The following BEND6 variants were observed in gnomAD, a reference collection of about 807,000 sequenced individuals.
BEND6 encodes the protein BEN domain containing 6.
In BEND6, 24 loss-of-function variants were observed where a neutral mutation model predicts 31.8. The ratio of observed to expected loss-of-function variants is 0.75; its 90% CI spans 0.55 to 1.06. The LOEUF (loss-of-function observed/expected upper bound fraction) is 1.06. Ranked by LOEUF, BEND6 falls within the 50% of genes least tolerant of loss-of-function variation. The pLI, the probability that BEND6 is intolerant of heterozygous loss-of-function variation, is 0.00. For missense variants in BEND6, 294 were observed against 327.4 expected, an observed-to-expected ratio of 0.90 and a Z score of 0.79; for synonymous variants, 109 against 114.6, an observed-to-expected ratio of 0.95 and a Z score of 0.31.
At chr6:56,984,055 C>T (rs1328835431) in intron 2 of BEND6, among the ~76,000 whole-genome samples, 1 of 151,824 alleles carries the variant, frequency 6.6e-6, no homozygotes, top group African/African-American at 2.4e-5. Flanking sequence ...CCTCTCTCTA[C>T]CAAAAAAAAT....
At chr6:57,010,690 TAA>T in intron 3 of BEND6, 2 of 913,648 alleles carry the variant, frequency 2.2e-6, no homozygotes, top group Non-Finnish European at 2.6e-6. Flanking sequence ...ATTAAAAGTT[TAA>T]AAAATATATC....
At chr6:57,004,575 A>G in intron 3 of BEND6, 1 of 926,866 alleles carries the variant, frequency 1.1e-6, no homozygotes, top group South Asian at 1.3e-5. Flanking sequence ...AACTACCACC[A>G]GGACTCAGAG....
chr6:57,017,945 A>G (rs1159333068), intron 5 of BEND6, among the ~76,000 whole-genome samples: 1 of 152,228 alleles, frequency 6.6e-6, no homozygotes, highest in Non-Finnish European at 1.5e-5. Flanking sequence ...AACAACTGCA[A>G]TGAAATTCTT....
chr6:56,987,930 A>G (rs1826342398), intron 2 of BEND6, among the ~76,000 whole-genome samples: 2 of 152,058 alleles, frequency 1.3e-5, no homozygotes, highest in South Asian at 4.1e-4. Flanking sequence ...TTATAAGCAT[A>G]TGTTTTCAAA....
chr6:56,965,716 T>C (rs983592053), intron 1 of BEND6, among the ~76,000 whole-genome samples: 5 of 148,222 alleles, frequency 3.4e-5, no homozygotes, highest in African/African-American at 1.2e-4. Flanking sequence ...GATATTAACA[T>C]AGTGTATAAT....
chr6:56,992,316 C>G, intron 2 of BEND6, 62 bp from the exon 3 acceptor site: 2 of 1,482,154 alleles, frequency 1.3e-6, no homozygotes, highest in Non-Finnish European at 1.8e-6. Context: ...CAATGGTTAA[C>G]CAGAGATAAA....
chr6:56,962,451 C>T (rs559359676), intron 1 of BEND6, among the ~76,000 whole-genome samples: 95 of 152,200 alleles, frequency 6.2e-4, no homozygotes, highest in Non-Finnish European at 1.2e-3. Context: ...AGTTTCCTGA[C>T]GTATCCCGAT....
chr6:56,970,110 G>A (rs2127843940), intron 1 of BEND6, among the ~76,000 whole-genome samples: 1 of 152,070 alleles, frequency 6.6e-6, no homozygotes, highest in East Asian at 1.9e-4. Flanking sequence ...ATGTGTGTGT[G>A]TATTTTCTAG....
At chr6:57,000,078 C>T (rs1826871801) in intron 3 of BEND6, among the ~76,000 whole-genome samples, 1 of 151,974 alleles carries the variant, frequency 6.6e-6, no homozygotes, top group African/African-American at 2.4e-5. Flanking sequence ...GAGGTGTACC[C>T]AACAGCTCCA....
At chr6:57,020,753 C>T (rs1405092498) in intron 6 of BEND6, among the ~76,000 whole-genome samples, 1 of 151,866 alleles carries the variant, frequency 6.6e-6, no homozygotes, top group East Asian at 1.9e-4. Flanking sequence ...GTTACCAGAC[C>T]TCCAAGTCAA....
chr6:56,972,086 C>CTTTTTT (rs35524907), intron 1 of BEND6, among the ~76,000 whole-genome samples: 1 of 62,530 alleles, frequency 1.6e-5, no homozygotes, highest in Non-Finnish European at 2.8e-5. Context: ...ACTTTACTTT[C>CTTTTTT]TTTTTTTTTT....
chr6:56,976,716 C>T (rs528575654), intron 1 of BEND6, among the ~76,000 whole-genome samples: 1 of 152,246 alleles, frequency 6.6e-6, no homozygotes, highest in South Asian at 2.1e-4. Flanking sequence ...AGGTGCACGT[C>T]ACCACACCTG....
Position 57,015,227 on chromosome 6 carries a change from C to T in BEND6, c.393C>T (p.Thr131=), listed in dbSNP as rs749466881. 5.6e-6 allele frequency: 9 copies of T among 1,613,960 alleles called. No individual in the cohort carries two copies. The highest frequency in any genetic ancestry group is 7.6e-6 in the Non-Finnish European group (9 of 1,180,006). The change falls in exon 4 of 7, where the codon ACC becomes ACT. Residue 131 remains threonine, a synonymous_variant. Coordinates refer to ENST00000370746, the MANE Select transcript of BEND6 (RefSeq NM_152731.3). ...GAACCATGTCTACATCTGCATCCAC[C>T]CTCTGGAGAGCAACAAACAACTCCT... is the stretch of plus-strand genomic sequence containing the variant. ...GGGTMSTSAS[T]LWRATNNSSP...
At chr6:57,019,937 G>A (rs775950547) in intron 6 of BEND6, among the ~76,000 whole-genome samples, 13 of 151,986 alleles carry the variant, frequency 8.6e-5, no homozygotes, top group South Asian at 2.1e-4. Context: ...TATAAAATAC[G>A]GAAGAAAAAA....
At chr6:57,018,862 G>A (rs1436918332) in intron 6 of BEND6, among the ~76,000 whole-genome samples, 1 of 152,176 alleles carries the variant, frequency 6.6e-6, no homozygotes, top group African/African-American at 2.4e-5. Flanking sequence ...GTGTTTTACT[G>A]AGGAAATTTT....
At chr6:56,982,762 A>G (rs1826116202) in intron 2 of BEND6, among the ~76,000 whole-genome samples, 1 of 152,106 alleles carries the variant, frequency 6.6e-6, no homozygotes, top group African/African-American at 2.4e-5. Context: ...CAGCCCCCCA[A>G]TATAAGTAAT....
At chr6:56,994,772 G>A (rs1460352418) in intron 3 of BEND6, among the ~76,000 whole-genome samples, 1 of 151,988 alleles carries the variant, frequency 6.6e-6, no homozygotes, top group Non-Finnish European at 1.5e-5. Context: ...AAAAACTGTA[G>A]GCTAAATTTC....
At chr6:56,961,644 G>C (rs1271541702) in intron 1 of BEND6, among the ~76,000 whole-genome samples, 1 of 152,162 alleles carries the variant, frequency 6.6e-6, no homozygotes, top group Non-Finnish European at 1.5e-5. Context: ...AGGTAGTCTT[G>C]GGTTCACAGT....
Position 57,026,313 on chromosome 6 carries a change from A to C in BEND6, c.*241A>C, listed in dbSNP as rs1249785199. 1 of 152,236 alleles carries C rather than the reference A, an allele frequency of 6.6e-6. No individual in the cohort carries two copies. Among genetic ancestry groups the C allele is most frequent in the African/African-American group, 2.4e-5 (1 of 41,462 alleles). 9.4% of individuals were successfully genotyped at this position (152,236 alleles called of 1,614,324 possible). ...TGCATCAAACCAGAGAATTTCTGCC[A>C]GTCAAATAAGCATGCAATATGGTTT... On this transcript the variant is annotated 3_prime_UTR_variant, in exon 7 of 7. Coordinates refer to ENST00000370746, the MANE Select transcript of BEND6 (RefSeq NM_152731.3).
Sources: allele counts gnomAD v4.1 joint callset (sites outside exome capture counted in the v4.1 genomes callset), GRCh38; gene constraint gnomAD v4.1.1; transcripts MANE v1.5; gene names NCBI Gene and HGNC (gene_info 2026-07-23, HGNC 2026-07-21).